The following NPAS3 variants were observed in gnomAD, a reference collection of about 807,000 sequenced individuals.
The protein encoded by NPAS3 is neuronal PAS domain-containing protein 3.
Under a neutral mutation model 73.1 loss-of-function variants are expected in NPAS3, and 14 were observed. The ratio of observed to expected loss-of-function variants is 0.19; its 90% confidence interval spans 0.13 to 0.30. NPAS3 has a LOEUF of 0.30. Among genes scored for constraint, NPAS3 ranks in the 10% least tolerant of loss-of-function variants. The probability of loss-of-function intolerance (pLI) is 1.00; values close to 1 mark genes in which losing one functional copy is unlikely to be tolerated. For missense variants in NPAS3, 1,096 were observed against 1,250.0 expected (o/e 0.88, Z 1.86); for synonymous variants, 620 against 541.5 (o/e 1.14, Z -2.01).
At chr14:33,544,825 A>ATATAAAATATATATATATATAAT in intron 4 of NPAS3, among the ~76,000 whole-genome samples, 1 of 112,188 alleles carries the variant, frequency 8.9e-6, no homozygotes, top group African/African-American at 4.1e-5. Flanking sequence ...TATATAATAT[A>ATATAAAATATATATATATATAAT]TATGTGTATA....
At chr14:33,545,436 C>G (rs1192188232) in intron 4 of NPAS3, among the ~76,000 whole-genome samples, 3 of 152,172 alleles carry the variant, frequency 2.0e-5, no homozygotes, top group Non-Finnish European at 4.4e-5. Context: ...CTCCAATCAT[C>G]TCAACAACTC....
chr14:33,411,685 A>G (rs1230965429), intron 4 of NPAS3, among the ~76,000 whole-genome samples: 1 of 152,182 alleles, frequency 6.6e-6, no homozygotes, highest in Admixed American at 6.5e-5. Flanking sequence ...GCTCTTTAAC[A>G]TGGTGACCTG....
intron 3 of NPAS3, among the ~76,000 whole-genome samples, chr14:33,246,022 G>C (rs948479572): frequency 1.5e-4 from 22 of 151,380 alleles, no homozygotes; most frequent in African/African-American, 5.3e-4. Flanking sequence ...CAACTTTATA[G>C]TTGGCAGTGA....
At chr14:33,217,389 T>C (rs1455132881) in intron 3 of NPAS3, among the ~76,000 whole-genome samples, 1 of 152,186 alleles carries the variant, frequency 6.6e-6, no homozygotes, top group Non-Finnish European at 1.5e-5. Context: ...ATACATTAGA[T>C]ACATTTTTTC....
At chr14:33,503,125 A>G (rs950670037) in intron 4 of NPAS3, among the ~76,000 whole-genome samples, 1 of 152,010 alleles carries the variant, frequency 6.6e-6, no homozygotes, top group Non-Finnish European at 1.5e-5. Flanking sequence ...GAATACACAT[A>G]AAATGATGGC....
intron 3 of NPAS3, among the ~76,000 whole-genome samples, chr14:33,347,338 C>G (rs80212999): frequency 6.6e-6 from 1 of 152,180 alleles, no homozygotes; most frequent in Non-Finnish European, 1.5e-5. Flanking sequence ...AAAGACCACT[C>G]GTAAATATCT....
intron 5 of NPAS3, among the ~76,000 whole-genome samples, chr14:33,605,865 A>G (rs1479845723): frequency 1.3e-5 from 2 of 152,112 alleles, no homozygotes; most frequent in Non-Finnish European, 2.9e-5. Flanking sequence ...AAAATGACAA[A>G]CTGATTCTAA....
chr14:33,544,304 A>G (rs571990399), intron 4 of NPAS3, among the ~76,000 whole-genome samples: 123 of 152,152 alleles, frequency 8.1e-4, no homozygotes, highest in African/African-American at 2.6e-3. Context: ...CACTGCACCC[A>G]GCTCTGGTGA....
At chr14:33,357,635 G>T (rs1450742660) in intron 3 of NPAS3, among the ~76,000 whole-genome samples, 2 of 152,226 alleles carry the variant, frequency 1.3e-5, no homozygotes, top group Non-Finnish European at 2.9e-5. Context: ...CCCGCGGGCT[G>T]GGCCCTGTGC....
At chr14:33,031,835 C>T (rs1223101872) in intron 1 of NPAS3, among the ~76,000 whole-genome samples, 1 of 152,202 alleles carries the variant, frequency 6.6e-6, no homozygotes, top group Non-Finnish European at 1.5e-5. Context: ...CTATTGCATG[C>T]TCCAGATTGT....
rs185417992 is a variant in NPAS3, at chr14:33,533,598, C to G, written c.469-26523C>G. Among the ~76,000 whole-genome samples, 354 of 152,192 alleles carry G rather than the reference C, an allele frequency of 2.3e-3. 1 individual carries two copies. The highest frequency in any genetic ancestry group is 0.01 in the Middle Eastern group (3 of 294). On this transcript the variant is annotated intron_variant, in intron 4 of 11. Coordinates refer to ENST00000356141, the Ensembl canonical transcript of NPAS3. ...TATTATTAGAAGGGATCAAGTAATT[C>G]ATTTTTAAAAAACACTACACTAAAT...
At chr14:33,227,166 C>T (rs1594448432) in intron 3 of NPAS3, among the ~76,000 whole-genome samples, 1 of 152,272 alleles carries the variant, frequency 6.6e-6, no homozygotes, top group East Asian at 1.9e-4. Flanking sequence ...GTGATATTTG[C>T]TTAGCTGACA....
At chr14:33,673,114 G>A (rs1267916933) in intron 5 of NPAS3, among the ~76,000 whole-genome samples, 1 of 152,162 alleles carries the variant, frequency 6.6e-6, no homozygotes, top group Non-Finnish European at 1.5e-5. Context: ...CCAGGGGATT[G>A]GCAGGCTGCC....
At chr14:33,107,590 T>C (rs1023209548) in intron 2 of NPAS3, among the ~76,000 whole-genome samples, 1 of 152,186 alleles carries the variant, frequency 6.6e-6, no homozygotes, top group African/African-American at 2.4e-5. Context: ...CACAATTTTA[T>C]TCTATTTTAT....
intron 4 of NPAS3, among the ~76,000 whole-genome samples, chr14:33,423,965 A>G (rs761239115): frequency 2.0e-4 from 31 of 152,020 alleles, no homozygotes; most frequent in Non-Finnish European, 4.0e-4. Flanking sequence ...TTGAATATCT[A>G]TCATGTGTCC....
At chr14:33,218,707 G>C (rs1355109503) in intron 3 of NPAS3, among the ~76,000 whole-genome samples, 3 of 152,138 alleles carry the variant, frequency 2.0e-5, no homozygotes, top group Non-Finnish European at 4.4e-5. Flanking sequence ...TTAATGTGAT[G>C]AGTTGATCAT....
intron 2 of NPAS3, among the ~76,000 whole-genome samples, chr14:33,143,701 C>T (rs185296470): frequency 2.6e-5 from 4 of 152,212 alleles, no homozygotes; most frequent in Admixed American, 2.0e-4. Context: ...AAACCTCATA[C>T]CCATTAAGTA....
intron 9 of NPAS3, among the ~76,000 whole-genome samples, chr14:33,789,330 C>A (rs542295280): frequency 6.6e-6 from 1 of 152,248 alleles, no homozygotes; most frequent in South Asian, 2.1e-4. Flanking sequence ...CCAACAAGAG[C>A]CTCCTGGTTT....
chr14:33,093,771 A>G lies in NPAS3; in HGVS notation c.140+37777A>G, dbSNP rs180954691. Among the ~76,000 whole-genome samples, 808 of 152,322 alleles carry G rather than the reference A, an allele frequency of 5.3e-3. 5 individuals are homozygous for G. The highest frequency in any genetic ancestry group is 6.2e-3 in the Non-Finnish European group (421 of 68,028). ...TAAGAAAATGTAGCACATATACACCATGGAATACTATGCAGCTACAAAAAA... is the reference window on the plus strand; with the variant it reads ...TAAGAAAATGTAGCACATATACACCGTGGAATACTATGCAGCTACAAAAAA... On this transcript the variant is annotated intron_variant, in intron 2 of 11. Transcript: ENST00000356141.
Sources: gnomAD v4.1 joint callset for allele counts (sites outside exome capture counted in the v4.1 genomes callset) on GRCh38, gnomAD v4.1.1 for gene constraint, MANE v1.5 for transcripts, NCBI Gene and HGNC (gene_info 2026-07-23, HGNC 2026-07-21) for gene names.